Variants in LYST observed in about 807,000 individuals in gnomAD.
The protein encoded by LYST is lysosomal trafficking regulator.
LYST carries 192 observed loss-of-function variants against 413.6 expected under a neutral mutation model. That is an observed-to-expected ratio of 0.46 (90% confidence interval 0.41 to 0.52). The LOEUF is 0.52. Ranked by LOEUF, LYST falls within the 20% of genes least tolerant of loss-of-function variation. The pLI, the probability that LYST is intolerant of heterozygous loss-of-function variation, is 0.00. For synonymous variants in LYST, 1,525 were observed against 1,567.3 expected, an observed-to-expected ratio of 0.97 and a Z score of 0.64; for missense variants, 3,815 against 4,499.9, an observed-to-expected ratio of 0.85 and a Z score of 4.35.
At chr1:235,738,485 T>C (rs1572109824) in intron 31 of LYST, 1 of 1,612,292 alleles carries the variant, frequency 6.2e-7, no homozygotes, top group East Asian at 2.2e-5. Flanking sequence ...TTGGAAGTGG[T>C]TGCAATCTGG....
At chr1:235,681,981 T>C (rs530864647) in intron 48 of LYST, among the ~76,000 whole-genome samples, 2 of 152,120 alleles carry the variant, frequency 1.3e-5, no homozygotes, top group African/African-American at 4.8e-5. Flanking sequence ...AGTAGTCTCA[T>C]GTAAAAATGG....
At chr1:235,747,126 C>A in intron 28 of LYST, 1 of 307,974 alleles carries the variant, frequency 3.2e-6, no homozygotes, top group South Asian at 2.7e-5. Flanking sequence ...AAGGTTTCCT[C>A]AGACTGAACA....
chr1:235,752,932 C>T (rs1208242373), intron 26 of LYST, 112 bp downstream of exon 26: 9 of 626,006 alleles, frequency 1.4e-5, no homozygotes, highest in Admixed American at 2.7e-5. Flanking sequence ...CAGAGGTACA[C>T]AGAAAGGCTT....
At chr1:235,879,724 CT>C (rs1681292195) in intron 1 of LYST, among the ~76,000 whole-genome samples, 1 of 102,766 alleles carries the variant, frequency 9.7e-6, no homozygotes, top group Admixed American at 9.2e-5. Context: ...ATGGATCTAA[CT>C]TCCTTTCTTT....
intron 19 of LYST, among the ~76,000 whole-genome samples, chr1:235,771,250 TAAAC>T (rs921239070): frequency 2.6e-5 from 4 of 152,156 alleles, no homozygotes; most frequent in East Asian, 1.9e-4. Context: ...AGTGCCAATG[TAAAC>T]AAACAAATAC....
chr1:235,826,045 CATT>C (rs1377626589), intron 3 of LYST, among the ~76,000 whole-genome samples: 1 of 152,168 alleles, frequency 6.6e-6, no homozygotes, highest in African/African-American at 2.4e-5. Flanking sequence ...TGCTCATCAT[CATT>C]AATTGCCAGA....
In LYST at chr1:235,751,361, A is replaced by G. The variant is rs761246087; in HGVS notation, c.7629T>C (p.Asn2543=). 1 of 1,612,718 alleles carries G rather than the reference A, an allele frequency of 6.2e-7. No homozygotes were observed. Among genetic ancestry groups the G allele is most frequent in the Non-Finnish European group, 8.5e-7 (1 of 1,179,006 alleles). The part of the protein sequence containing the change: ...LQNSKNKRTQ[N]MAVALQLRVL... ...CTCTAAGCTGTAGTGCAACAGCCAT[A>G]TCTAAAAACAGAAGATACTAGAATG... The change falls in exon 28 of 53, where the codon AAT becomes AAC. Residue 2543 remains asparagine (N), a splice_region_variant and synonymous_variant. Coordinates refer to ENST00000389793, the MANE Select transcript of LYST (RefSeq NM_000081.4).
At chr1:235,721,973 C>G (rs1663408510) in intron 39 of LYST, among the ~76,000 whole-genome samples, 1 of 152,068 alleles carries the variant, frequency 6.6e-6, no homozygotes, top group African/African-American at 2.4e-5. Context: ...GTAAGGGGTG[C>G]TTGGTGGAGA....
chr1:235,758,713 T>C (rs556412449), intron 23 of LYST, among the ~76,000 whole-genome samples: 57 of 152,312 alleles, frequency 3.7e-4, no homozygotes, highest in African/African-American at 1.3e-3. Flanking sequence ...TTAATAACTA[T>C]AAGGAATTAA....
At chr1:235,736,905 T>G (rs1430778364) in intron 31 of LYST, 1 of 151,960 alleles carries the variant, frequency 6.6e-6, no homozygotes, top group Non-Finnish European at 1.5e-5. Flanking sequence ...CGGAAAGGGA[T>G]AAAAGCTAGA....
At chr1:235,711,476 A>C (rs1434232154) in intron 43 of LYST, among the ~76,000 whole-genome samples, 1 of 152,238 alleles carries the variant, frequency 6.6e-6, no homozygotes, top group Non-Finnish European at 1.5e-5. Flanking sequence ...ATCACATAAA[A>C]TTATAGAATT....
intron 36 of LYST, among the ~76,000 whole-genome samples, chr1:235,730,244 T>C (rs1322449628): frequency 6.6e-6 from 1 of 152,000 alleles, no homozygotes; most frequent in Non-Finnish European, 1.5e-5. Context: ...GCAATGATAA[T>C]ACTATCAATA....
chr1:235,724,209 T>C (rs775320087), intron 38 of LYST, 29 bp from the exon 39 acceptor site: 7 of 1,572,822 alleles, frequency 4.5e-6, no homozygotes, highest in Non-Finnish European at 6.1e-6. Flanking sequence ...CAAAAATATT[T>C]GTTTTACCGG....
chr1:235,717,551 A>G (rs1203080300), intron 40 of LYST, among the ~76,000 whole-genome samples: 1 of 152,132 alleles, frequency 6.6e-6, no homozygotes, highest in Non-Finnish European at 1.5e-5. Flanking sequence ...GCTCTGATGA[A>G]GAAGGGCAGG....
At chr1:235,729,683 A>T in intron 36 of LYST, 26 bp from the exon 37 acceptor site, 1 of 1,514,876 alleles carries the variant, frequency 6.6e-7, no homozygotes, top group South Asian at 1.1e-5. Flanking sequence ...TAAAATTACT[A>T]TGACTAAATG....
At chr1:235,850,329 G>A (rs1365292068) in intron 1 of LYST, among the ~76,000 whole-genome samples, 1 of 152,070 alleles carries the variant, frequency 6.6e-6, no homozygotes, top group Non-Finnish European at 1.5e-5. Flanking sequence ...CCGCATGTAG[G>A]AGAATGAAAC....
chr1:235,758,200 T>C lies in LYST; in HGVS notation c.6882-742A>G, dbSNP rs181339105. Among the ~76,000 whole-genome samples, 438 of 152,208 alleles carry C rather than the reference T, an allele frequency of 2.9e-3. 2 individuals are homozygous for C. The highest frequency in any genetic ancestry group is 0.01 in the African/African-American group (418 of 41,526). ...AGTTATGGGTCTGCGATAGCAGAAG[T>C]AGAGGAAAATATAAGGGGGATATCT... On this transcript the variant is annotated intron_variant, in intron 23 of 52. Coordinates refer to ENST00000389793, the MANE Select transcript of LYST (RefSeq NM_000081.4).
chr1:235,809,644 A>G lies in LYST; in HGVS notation c.1174T>C (p.Ser392Pro). 1 of 1,614,134 alleles carries G rather than the reference A, an allele frequency of 6.2e-7. No homozygotes were observed. Among genetic ancestry groups the G allele is most frequent in the Non-Finnish European group, 8.5e-7 (1 of 1,179,994 alleles). The change falls in exon 5 of 53, where the codon TCA (serine) becomes CCA (proline). Residue 392 changes from serine to proline, a missense_variant. Transcript: ENST00000389793. This position sits in a 1 kb window ranked among gnomAD's most constrained non-coding sequence, Gnocchi z 4.0. Reference sequence around the variant, plus strand: ...AGAAGGGCTCTATGACGATACTTTGAAAACACAAAATCTTCCTGAACCTCC... The same window carrying G: ...AGAAGGGCTCTATGACGATACTTTGGAAACACAAAATCTTCCTGAACCTCC... ...LQEVQEDFVF[S>P]KYRHRALLLP...
intron 48 of LYST, among the ~76,000 whole-genome samples, chr1:235,682,584 C>T (rs1389316731): frequency 1.3e-5 from 2 of 152,192 alleles, no homozygotes; most frequent in Non-Finnish European, 2.9e-5. Context: ...AGAATAAGAT[C>T]ATCCTCACAT....
Sources: gnomAD v4.1 joint callset for allele counts (sites outside exome capture counted in the v4.1 genomes callset) on GRCh38, gnomAD v4.1.1 for gene constraint, Gnocchi (gnomAD v3.1) non-coding constraint, MANE v1.5 for transcripts, NCBI Gene and HGNC (gene_info 2026-07-23, HGNC 2026-07-21) for gene names.